NRSN1: variants seen among roughly 807,000 people sequenced by gnomAD.
NRSN1 encodes the protein neurensin-1.
A neutral mutation model predicts 17.3 loss-of-function variants in NRSN1; 14 were observed. The observed-to-expected ratio is 0.81, with a 90% CI of 0.54 to 1.27. The LOEUF (loss-of-function observed/expected upper bound fraction) is 1.27, where lower values mean the gene tolerates loss of function less well. NRSN1 is among the 50% of genes most tolerant of loss of function. The pLI, the probability that NRSN1 is intolerant of heterozygous loss-of-function variation, is 0.00. For synonymous variants in NRSN1, 79 were observed against 94.2 expected, an observed-to-expected ratio of 0.84 and a Z score of 0.93; for missense variants, 209 against 235.9, an observed-to-expected ratio of 0.89 and a Z score of 0.75.
chr6:24,127,082 CAGAG>C, intron 1 of NRSN1, among the ~76,000 whole-genome samples: 1 of 150,140 alleles, frequency 6.7e-6, no homozygotes, highest in Non-Finnish European at 1.5e-5. Flanking sequence ...TTCAGAGAGG[CAGAG>C]AGAGACAGGA....
intron 3 of NRSN1, among the ~76,000 whole-genome samples, chr6:24,136,137 C>T (rs1388407562): frequency 6.6e-6 from 1 of 152,122 alleles, no homozygotes; most frequent in Non-Finnish European, 1.5e-5. Flanking sequence ...AATGGTGATA[C>T]TTATAGCACC....
At chr6:24,135,542 C>T (rs112117880) in intron 3 of NRSN1, among the ~76,000 whole-genome samples, 22 of 152,206 alleles carry the variant, frequency 1.4e-4, no homozygotes, top group Middle Eastern at 3.4e-3. Context: ...GTTTTTACTT[C>T]GAGAGACATG....
At position 24,145,172 on chromosome 6, in the gene NRSN1, T is replaced by C. The variant is rs549418543; in HGVS notation, c.190-376T>C. Among the ~76,000 whole-genome samples the C allele has an allele frequency of 1.0e-3, 144 of 144,152 alleles. 1 individual carries two copies. The highest frequency in any genetic ancestry group is 3.5e-3 in the African/African-American group (139 of 39,640). 94.6% of individuals were successfully genotyped at this position (144,152 alleles called of 152,430 possible). A position where few individuals can be genotyped will look rare whatever the true frequency, so the allele number is the denominator to read the frequency against. ...TAATATATATATCTTTGGACATATA[T>C]ATTATATAGATCTTTAGCTATATAT... On this transcript the variant is annotated intron_variant, in intron 3 of 3. Coordinates refer to ENST00000378491, the MANE Select transcript of NRSN1 (RefSeq NM_080723.5). This position sits in a 1 kb window ranked among gnomAD's most constrained non-coding sequence, Gnocchi z 4.4.
intron 3 of NRSN1, among the ~76,000 whole-genome samples, chr6:24,141,994 C>T (rs1760212091): frequency 6.6e-6 from 1 of 152,148 alleles, no homozygotes; most frequent in Non-Finnish European, 1.5e-5. Context: ...AGCATGTCAC[C>T]ATGGATAGTT....
chr6:24,144,211 G>T (rs1428385489), intron 3 of NRSN1, among the ~76,000 whole-genome samples: 2 of 152,142 alleles, frequency 1.3e-5, no homozygotes, highest in African/African-American at 4.8e-5. Context: ...TCTGCAGCTT[G>T]CTAGCTGTCC....
chr6:24,133,805 G>A (rs1030381066), intron 2 of NRSN1, among the ~76,000 whole-genome samples: 1 of 152,154 alleles, frequency 6.6e-6, no homozygotes, highest in Non-Finnish European at 1.5e-5. Context: ...CAAAAAAGAA[G>A]AACAGCTTAT....
intron 3 of NRSN1, 93 bp downstream of exon 3, chr6:24,134,609 C>A: frequency 2.0e-6 from 2 of 982,396 alleles, no homozygotes; most frequent in East Asian, 2.5e-5. Context: ...GTTTAGTACT[C>A]GCTGTGTGTG....
At chr6:24,128,522 C>T (rs1001817627) in intron 2 of NRSN1, among the ~76,000 whole-genome samples, 1 of 152,218 alleles carries the variant, frequency 6.6e-6, no homozygotes, top group African/African-American at 2.4e-5. Context: ...TTGGTAGGAA[C>T]ACGGTTCAGG....
intron 2 of NRSN1, 134 bp downstream of exon 2, chr6:24,128,334 A>T (rs973443203): frequency 2.0e-5 from 3 of 152,204 alleles, no homozygotes; most frequent in Non-Finnish European, 4.4e-5. Context: ...CTAAAAAATG[A>T]ATCTTGAAGA....
intron 3 of NRSN1, among the ~76,000 whole-genome samples, chr6:24,137,047 GT>G (rs1760127966): frequency 6.6e-6 from 1 of 152,178 alleles, no homozygotes; most frequent in Non-Finnish European, 1.5e-5. Flanking sequence ...TCTTTTTCAT[GT>G]TTTTTTCTTT....
chr6:24,134,099 C>T (rs1561865964), intron 2 of NRSN1, among the ~76,000 whole-genome samples: 1 of 151,940 alleles, frequency 6.6e-6, no homozygotes, highest in African/African-American at 2.4e-5. Flanking sequence ...CTCCTCACCT[C>T]GTGATCCTCC....
chr6:24,135,242 G>A (rs1235329556), intron 3 of NRSN1, among the ~76,000 whole-genome samples: 1 of 152,214 alleles, frequency 6.6e-6, no homozygotes, highest in African/African-American at 2.4e-5. Flanking sequence ...AGGGGGTGAT[G>A]GAGACTGGTA....
rs1470264753 is a variant in NRSN1 at position 24,146,150 on chromosome 6, C to T, written c.*204C>T. On this transcript the variant is annotated 3_prime_UTR_variant, in exon 4 of 4. Transcript: ENST00000378491. ...CATGCCTAAGCCTGTGCACATGCAT[C>T]CAGCTGCTTAAGATGGGTGCTTCCT... 1.4e-6 allele frequency: 1 copy of T among 715,778 alleles called. No individual in the cohort carries two copies. The highest frequency in any genetic ancestry group is 2.6e-6 in the Non-Finnish European group (1 of 385,396). The allele number at this position is 715,778 out of a possible 1,614,324, so 44.3% of individuals were successfully genotyped here. A position where few individuals can be genotyped will look rare whatever the true frequency, so the allele number is the denominator to read the frequency against.
At chr6:24,142,738 C>T (rs1404171032) in intron 3 of NRSN1, among the ~76,000 whole-genome samples, 2 of 152,094 alleles carry the variant, frequency 1.3e-5, no homozygotes, top group Admixed American at 6.5e-5. Flanking sequence ...AGAATGAGGC[C>T]GCAGACCCTG....
rs149937501 is a variant in NRSN1 at position 24,130,555 on chromosome 6, A to G, written c.-10+2355A>G. Among the ~76,000 whole-genome samples the G allele has an allele frequency of 5.0e-4, 76 of 152,238 alleles. 1 individual carries two copies. Among genetic ancestry groups the G allele is most frequent in the African/African-American group, 1.8e-3 (75 of 41,556 alleles). ...CTCTAGGAGTGAATTCCAGGTAGTT[A>G]TATGTTTGGGAAGATGTGTGATACC... On this transcript the variant is annotated intron_variant, in intron 2 of 3. Coordinates refer to ENST00000378491, the MANE Select transcript of NRSN1 (RefSeq NM_080723.5).
rs1266580296 is a variant in NRSN1 at position 24,134,528 on chromosome 6, G to C, written c.189+12G>C. On this transcript the variant is annotated intron_variant, in intron 3 of 3. Coordinates refer to ENST00000378491, the MANE Select transcript of NRSN1 (RefSeq NM_080723.5). ...CAGTATTCTGGAAGGTAAGGAAGGA[G>C]CATGTGTTTAACTTAGGGAATGGAA... is the stretch of plus-strand genomic sequence containing the variant. The C allele has an allele frequency of 4.3e-6, 7 of 1,611,082 alleles. No individual in the cohort carries two copies. The highest frequency in any genetic ancestry group is 1.7e-5 in the Admixed American group (1 of 59,964).
intron 2 of NRSN1, chr6:24,128,960 T>C (rs1410995095): frequency 6.6e-6 from 1 of 152,214 alleles, no homozygotes; most frequent in Non-Finnish European, 1.5e-5. Context: ...GTAATGTTCT[T>C]AGAGTTTCAT....
intron 3 of NRSN1, among the ~76,000 whole-genome samples, chr6:24,143,322 T>A: frequency 1.3e-5 from 2 of 152,192 alleles, no homozygotes; most frequent in Non-Finnish European, 2.9e-5. Context: ...AACCTTATAA[T>A]CCTCAGTTTC....
intron 3 of NRSN1, 94 bp downstream of exon 3, chr6:24,134,610 G>A (rs112503168): frequency 2.4e-5 from 23 of 963,512 alleles, no homozygotes; most frequent in African/African-American, 9.7e-5. Context: ...TTTAGTACTC[G>A]CTGTGTGTGC....
Sources: gnomAD v4.1 joint callset for allele counts (sites outside exome capture counted in the v4.1 genomes callset) on GRCh38, gnomAD v4.1.1 for gene constraint, Gnocchi (gnomAD v3.1) non-coding constraint, MANE v1.5 for transcripts, NCBI Gene and HGNC (gene_info 2026-07-23, HGNC 2026-07-21) for gene names.